Variants in HMGB1 observed in about 807,000 individuals in gnomAD.
HMGB1 encodes the protein high mobility group protein B1.
For missense variants in HMGB1, 79 were observed against 253.5 expected (o/e 0.31, Z 4.67); for synonymous variants, 81 against 84.0 (o/e 0.96, Z 0.19).
chr13:30,543,756 C>T (rs978465589), intron 1 of HMGB1, among the ~76,000 whole-genome samples: 3 of 152,146 alleles, frequency 2.0e-5, no homozygotes, highest in African/African-American at 7.2e-5. Flanking sequence ...GTCAAGGTCT[C>T]TAAAAATGTA....
chr13:30,552,341 T>G (rs563360315), intron 1 of HMGB1, among the ~76,000 whole-genome samples: 1 of 152,292 alleles, frequency 6.6e-6, no homozygotes, highest in South Asian at 2.1e-4. Context: ...AATAGGACAC[T>G]CTCTTACATA....
chr13:30,476,169 G>GT (rs1366109042), intron 1 of HMGB1, among the ~76,000 whole-genome samples: 2 of 113,876 alleles, frequency 1.8e-5, no homozygotes, highest in South Asian at 2.7e-4. Context: ...CTCTCTCTCA[G>GT]TTTTTTTATT....
chr13:30,496,322 A>G (rs1024777029), intron 1 of HMGB1, among the ~76,000 whole-genome samples: 2 of 152,218 alleles, frequency 1.3e-5, no homozygotes, highest in African/African-American at 4.8e-5. Flanking sequence ...ACCAAACACC[A>G]AGGCCTAGTA....
At chr13:30,573,650 CTT>C (rs774433276) in intron 1 of HMGB1, among the ~76,000 whole-genome samples, 84 of 132,328 alleles carry the variant, frequency 6.3e-4, no homozygotes, top group Middle Eastern at 3.9e-3. Context: ...CTAGCATTTT[CTT>C]TTTTTTTTTT....
chr13:30,574,983 C>T (rs1467297045), intron 1 of HMGB1, among the ~76,000 whole-genome samples: 1 of 152,104 alleles, frequency 6.6e-6, no homozygotes, highest in East Asian at 1.9e-4. Flanking sequence ...AAAGATGTGT[C>T]TGTTGGGGAA....
At chr13:30,562,168 A>G (rs1461639810) in intron 1 of HMGB1, among the ~76,000 whole-genome samples, 2 of 151,962 alleles carry the variant, frequency 1.3e-5, no homozygotes, top group African/African-American at 2.4e-5. Flanking sequence ...CTAAAAACAA[A>G]AGCCTGTAAT....
At chr13:30,486,883 T>C (rs551273152) in intron 1 of HMGB1, among the ~76,000 whole-genome samples, 54 of 152,192 alleles carry the variant, frequency 3.5e-4, no homozygotes, top group African/African-American at 1.1e-3. Context: ...CTCCAACAGA[T>C]ACAGTCTGCT....
intron 1 of HMGB1, among the ~76,000 whole-genome samples, chr13:30,586,749 G>T (rs1420338951): frequency 6.6e-6 from 1 of 151,934 alleles, no homozygotes; most frequent in African/African-American, 2.4e-5. Context: ...CCTCCCAAAG[G>T]TTGGGAAAAG....
Position 30,607,125 on chromosome 13 carries a change from T to C in HMGB1, c.-15+9546A>G, listed in dbSNP as rs530712019. 3.3e-5 allele frequency among the ~76,000 whole-genome samples: 5 copies of C among 152,356 alleles called. No individual in the cohort carries two copies. In the South Asian group the frequency reaches 6.2e-4, roughly 19 times the overall value. On this transcript the variant is annotated intron_variant, in intron 1 of 4. Coordinates refer to the HMGB1 transcript ENST00000405805. ...CTATTTCAATGACCTTCACTAGCCATCTAGTCCACCTTATCCTAATTATTA... is the reference window on the plus strand; with the variant it reads ...CTATTTCAATGACCTTCACTAGCCACCTAGTCCACCTTATCCTAATTATTA...
intron 1 of HMGB1, among the ~76,000 whole-genome samples, chr13:30,533,850 T>C (rs1016542564): frequency 4.0e-5 from 6 of 151,210 alleles, no homozygotes; most frequent in Admixed American, 3.3e-4. Flanking sequence ...CTGTAGTAAA[T>C]CCTGGTAAAG....
At chr13:30,489,189 A>G (rs900283404) in intron 1 of HMGB1, among the ~76,000 whole-genome samples, 2 of 152,136 alleles carry the variant, frequency 1.3e-5, no homozygotes, top group African/African-American at 4.8e-5. Flanking sequence ...TTTAATTTCT[A>G]GGCACTTCTA....
At chr13:30,491,660 C>CAAA (rs71093072) in intron 1 of HMGB1, among the ~76,000 whole-genome samples, 1 of 120,118 alleles carries the variant, frequency 8.3e-6, no homozygotes, top group Non-Finnish European at 1.7e-5. Flanking sequence ...GACCCTATCT[C>CAAA]AAAAAAAAAA....
chr13:30,597,682 C>T (rs188481222), intron 1 of HMGB1, among the ~76,000 whole-genome samples: 97 of 152,314 alleles, frequency 6.4e-4, no homozygotes, highest in African/African-American at 2.2e-3. Flanking sequence ...AGGAACAGCA[C>T]ACTTTTTCTG....
At chr13:30,500,726 CTT>C (rs570120939) in intron 1 of HMGB1, among the ~76,000 whole-genome samples, 16 of 127,630 alleles carry the variant, frequency 1.3e-4, no homozygotes, top group Non-Finnish European at 9.9e-5. Flanking sequence ...TTTTTAATTT[CTT>C]TTTTTTTTTT....
intron 1 of HMGB1, among the ~76,000 whole-genome samples, chr13:30,538,472 TTCTTTCTTTCTTTCTTTCTTTC>T (rs1309385365): frequency 4.0e-4 from 14 of 35,428 alleles, no homozygotes; most frequent in African/African-American, 1.2e-3. Flanking sequence ...CTTTCTTTCT[TTCTTTCTTTCTTTCTTTCTTTC>T]TTTCTTTCTT....
At chr13:30,606,466 CCAAA>C (rs10554237) in intron 1 of HMGB1, among the ~76,000 whole-genome samples, 78,664 of 151,588 alleles carry the variant, frequency 0.52, 22,725 homozygotes, top group African/African-American at 0.78. Context: ...AATAACCAAA[CCAAA>C]CATTTTATTG....
intron 1 of HMGB1, among the ~76,000 whole-genome samples, chr13:30,574,244 T>C (rs548898697): frequency 2.0e-5 from 3 of 152,372 alleles, no homozygotes; most frequent in East Asian, 3.9e-4. Context: ...ATTTTTCTAA[T>C]AGCATAACAC....
At chr13:30,503,797 A>T (rs1395083429) in intron 1 of HMGB1, among the ~76,000 whole-genome samples, 4 of 151,996 alleles carry the variant, frequency 2.6e-5, no homozygotes, top group Admixed American at 2.0e-4. Flanking sequence ...TAGTGTCTGT[A>T]ATTCCAGCTA....
chr13:30,563,335 G>A (rs558115208), intron 1 of HMGB1, among the ~76,000 whole-genome samples: 4 of 152,278 alleles, frequency 2.6e-5, no homozygotes, highest in South Asian at 4.1e-4. Context: ...GTGGCTGGGC[G>A]CAGTGGCTCA....
Sources: gnomAD v4.1 joint callset for allele counts (sites outside exome capture counted in the v4.1 genomes callset) on GRCh38, gnomAD v4.1.1 for gene constraint, MANE v1.5 for transcripts, NCBI Gene and HGNC (gene_info 2026-07-23, HGNC 2026-07-21) for gene names.